Variants in INPP5K observed in about 807,000 individuals in gnomAD.
INPP5K encodes inositol polyphosphate 5-phosphatase K.
A neutral mutation model predicts 53.5 loss-of-function variants in INPP5K; 35 were observed. The ratio of observed to expected loss-of-function variants is 0.65; its 90% CI spans 0.50 to 0.87. INPP5K has a LOEUF of 0.87. Among genes scored for constraint, INPP5K ranks in the 40% least tolerant of loss-of-function variants. INPP5K has a pLI of 0.00. For missense variants in INPP5K, 550 were observed against 586.2 expected, an observed-to-expected ratio of 0.94 and a Z score of 0.64; for synonymous variants, 253 against 232.8, an observed-to-expected ratio of 1.09 and a Z score of -0.79.
intron 3 of INPP5K, 144 bp downstream of exon 3, chr17:1,513,308 TG>T: frequency 1.4e-6 from 1 of 717,952 alleles, no homozygotes; most frequent in Non-Finnish European, 2.4e-6. Flanking sequence ...GGGGTCCAGG[TG>T]GAAGGGAGGT....
intron 7 of INPP5K, among the ~76,000 whole-genome samples, chr17:1,503,668 A>C (rs1331918085): frequency 6.6e-6 from 1 of 152,102 alleles, no homozygotes; most frequent in Non-Finnish European, 1.5e-5. Flanking sequence ...CAGTGAGCCA[A>C]GATCATGCCA....
chr17:1,515,298 C>G (rs2075408292), intron 1 of INPP5K: 1 of 290,676 alleles, frequency 3.4e-6, no homozygotes, highest in Non-Finnish European at 5.1e-6. Context: ...ATAAAGAGTA[C>G]TCTCTGGGGA....
chr17:1,496,540 G>A (rs1228567782), intron 9 of INPP5K, 126 bp downstream of exon 9: 4 of 1,405,352 alleles, frequency 2.8e-6, no homozygotes. Flanking sequence ...CCAGCCTTTA[G>A]CTACAGAAGA....
rs558302810 is a variant in INPP5K, at chr17:1,506,994, G to A, written c.762C>T (p.Asn254=). 2.6e-5 allele frequency: 42 copies of A among 1,613,252 alleles called. No individual in the cohort carries two copies. In the South Asian group the frequency reaches 3.2e-4, roughly 12 times the overall value. ...PPTYKFDRNS[N]DYDTSEKKRK... ...TCCCTCCTCACCTGGTGTCATAGTC[G>A]TTGGAGTTCCTATCAAACTTGTAGG... The change falls in exon 7 of 12, where the codon AAC becomes AAT. Residue 254 remains asparagine, a synonymous_variant. Coordinates refer to ENST00000421807, the MANE Select transcript of INPP5K (RefSeq NM_016532.4).
chr17:1,507,287 A>G (rs979402947), intron 6 of INPP5K, 198 bp from the exon 7 acceptor site: 1 of 566,056 alleles, frequency 1.8e-6, no homozygotes, highest in South Asian at 2.2e-5. Flanking sequence ...CGGAAACATT[A>G]CCAAGGCCCA....
At position 1,496,722 on chromosome 17, in the gene INPP5K, A is replaced by T. The variant is rs768505268; in HGVS notation, c.1045T>A (p.Tyr349Asn). Reference protein sequence around the residue: ...WTVENDMMVSYSSTSDFPSSP... With the variant: ...WTVENDMMVSNSSTSDFPSSP... ...CTGGGGAAGTCCGAGGTTGAAGAGTAGCTGACCATCATGTCATTTTCCACG... is the reference window on the plus strand; with the variant it reads ...CTGGGGAAGTCCGAGGTTGAAGAGTTGCTGACCATCATGTCATTTTCCACG... The change falls in exon 9 of 12, where the codon TAC becomes AAC. Residue 349 changes from tyrosine to asparagine, a missense_variant. Physicochemically the swap from Tyr to Asn is moderately radical, Grantham distance 143. Coordinates refer to ENST00000421807, the MANE Select transcript of INPP5K (RefSeq NM_016532.4). 1.1e-5 allele frequency: 17 copies of T among 1,614,114 alleles called. No individual in the cohort carries two copies. The Admixed American group carries it at 2.8e-4, about 27-fold the overall frequency.
Position 1,496,672 on chromosome 17 carries a change from C to T in INPP5K, c.1095G>A (p.Leu365=). 2 of 1,614,156 alleles carry T rather than the reference C, an allele frequency of 1.2e-6. No homozygotes were observed. Among genetic ancestry groups the T allele is most frequent in the Admixed American group, 1.7e-5 (1 of 60,018 alleles). ...TGCCTTGCCACCACATCACCTTGTA[C>T]AGTCCAATCCAGTCCCACGGGCTGC... The part of the protein sequence containing the change: ...FPSSPWDWIG[L]YKVGLRDVND... The change falls in exon 9 of 12, where the codon CTG becomes CTA. Residue 365 remains leucine, a synonymous_variant. Coordinates refer to ENST00000421807, the MANE Select transcript of INPP5K (RefSeq NM_016532.4).
rs1162273608 is a variant in INPP5K at position 1,495,744 on chromosome 17, C to T, written c.*79G>A. 20 of 1,037,022 alleles carry T rather than the reference C, an allele frequency of 1.9e-5. No individual in the cohort carries two copies. Among genetic ancestry groups the T allele is most frequent in the Non-Finnish European group, 2.6e-5 (18 of 679,772 alleles). 64.2% of individuals were successfully genotyped at this position (1,037,022 alleles called of 1,614,324 possible). The stretch of plus-strand genomic sequence containing the variant: ...TGTCTCTTCAGGGGGCCAGGCTGGG[C>T]CCCCAGCACTCCCGGCAGTGGAAAG... On this transcript the variant is annotated 3_prime_UTR_variant, in exon 12 of 12. Transcript: ENST00000421807.
chr17:1,502,732 C>T (rs1490439972), intron 7 of INPP5K, among the ~76,000 whole-genome samples: 1 of 152,110 alleles, frequency 6.6e-6, no homozygotes, highest in Non-Finnish European at 1.5e-5. Context: ...TCCACTCCAC[C>T]TTGTTTTTCT....
At chr17:1,503,343 C>T (rs1242646889) in intron 7 of INPP5K, among the ~76,000 whole-genome samples, 2 of 151,990 alleles carry the variant, frequency 1.3e-5, no homozygotes, top group African/African-American at 2.4e-5. Flanking sequence ...GCCACCATGC[C>T]CGGCTAATTT....
intron 7 of INPP5K, among the ~76,000 whole-genome samples, chr17:1,501,122 G>C (rs562934441): frequency 8.5e-5 from 13 of 152,076 alleles, no homozygotes; most frequent in African/African-American, 3.1e-4. Context: ...ACCATGCCCA[G>C]CTAATTTTTG....
At chr17:1,503,340 T>G (rs899089266) in intron 7 of INPP5K, among the ~76,000 whole-genome samples, 1 of 151,118 alleles carries the variant, frequency 6.6e-6, no homozygotes. Flanking sequence ...CCCGCCACCA[T>G]GCCCGGCTAA....
chr17:1,497,427 T>C (rs1463014084), intron 8 of INPP5K, among the ~76,000 whole-genome samples: 1 of 152,076 alleles, frequency 6.6e-6, no homozygotes, highest in African/African-American at 2.4e-5. Context: ...TGAGCTATGA[T>C]ACCGCCACTG....
intron 1 of INPP5K, 40 bp downstream of exon 1, chr17:1,516,416 C>T (rs1200755761): frequency 1.3e-6 from 2 of 1,570,898 alleles, no homozygotes; most frequent in Non-Finnish European, 1.7e-6. Flanking sequence ...GGCGCCGATC[C>T]CCCCGAGCAG....
intron 7 of INPP5K, among the ~76,000 whole-genome samples, chr17:1,498,511 G>T (rs1598362807): frequency 6.6e-6 from 1 of 152,182 alleles, no homozygotes; most frequent in Admixed American, 6.5e-5. Flanking sequence ...CTGCATACTA[G>T]AAGTATGCCT....
rs200005699 is a variant in INPP5K, at chr17:1,495,798, G to A, written c.*25C>T. 161 of 1,594,392 alleles carry A rather than the reference G, an allele frequency of 1.0e-4. No homozygotes were observed. The highest frequency in any genetic ancestry group is 5.1e-4 in the Middle Eastern group (3 of 5,840). ...GAGCTGGCTGCCAGCTCTGGCCTCC[G>A]CCTGGGATTCACTCCCATCCTGGCT... On this transcript the variant is annotated 3_prime_UTR_variant, in exon 12 of 12. Coordinates refer to ENST00000421807, the MANE Select transcript of INPP5K (RefSeq NM_016532.4).
At chr17:1,507,414 G>A (rs2075184788) in intron 6 of INPP5K, 1 of 308,630 alleles carries the variant, frequency 3.2e-6, no homozygotes. Context: ...GGGGAAGCCA[G>A]GGTTCTCCAA....
chr17:1,513,609 C>G, intron 2 of INPP5K, 48 bp from the exon 3 acceptor site: 1 of 1,479,548 alleles, frequency 6.8e-7, no homozygotes, highest in Admixed American at 1.7e-5. Flanking sequence ...CAGGCTACTT[C>G]CCCTGCCACA....
intron 7 of INPP5K, among the ~76,000 whole-genome samples, chr17:1,502,254 C>T (rs1334868873): frequency 6.6e-6 from 1 of 152,164 alleles, no homozygotes; most frequent in Non-Finnish European, 1.5e-5. Flanking sequence ...GAGGCTGAGG[C>T]AAGAGAATGG....
Sources: allele counts gnomAD v4.1 joint callset (sites outside exome capture counted in the v4.1 genomes callset), GRCh38; gene constraint gnomAD v4.1.1; transcripts MANE v1.5; gene names NCBI Gene and HGNC (gene_info 2026-07-23, HGNC 2026-07-21).